The following CSGALNACT1 variants were observed in gnomAD, a reference collection of about 807,000 sequenced individuals.
CSGALNACT1 encodes beta4GalNAcT-1.
CSGALNACT1 carries 52 observed loss-of-function variants against 51.0 expected under a neutral mutation model. That is an observed-to-expected ratio of 1.02 (90% CI 0.82 to 1.29). The LOEUF (loss-of-function observed/expected upper bound fraction) is 1.29. Among genes scored for constraint, CSGALNACT1 ranks in the 50% most tolerant of loss-of-function variants. The probability of loss-of-function intolerance (pLI) is 0.00; values close to 1 mark genes in which losing one functional copy is unlikely to be tolerated. For synonymous variants in CSGALNACT1, 341 were observed against 254.4 expected (o/e 1.34, Z -3.24); for missense variants, 935 against 679.2 (o/e 1.38, Z -4.19).
At chr8:19,433,003 A>AT (rs1298649019) in intron 6 of CSGALNACT1, among the ~76,000 whole-genome samples, 2 of 152,090 alleles carry the variant, frequency 1.3e-5, no homozygotes, top group Non-Finnish European at 2.9e-5. Context: ...ATGCCTCATA[A>AT]TTTTTGCTAA....
intron 6 of CSGALNACT1, among the ~76,000 whole-genome samples, chr8:19,438,078 C>T (rs1161229186): frequency 6.6e-6 from 1 of 152,062 alleles, no homozygotes; most frequent in Admixed American, 6.6e-5. Context: ...CAGCAAATGC[C>T]TGGTCATTCT....
intron 6 of CSGALNACT1, among the ~76,000 whole-genome samples, chr8:19,431,348 C>T (rs2059622817): frequency 6.6e-6 from 1 of 151,812 alleles, no homozygotes; most frequent in Non-Finnish European, 1.5e-5. Flanking sequence ...CTCTTCTAGT[C>T]CTAGTTTGAG....
At chr8:19,467,549 G>C (rs1196722617) in intron 4 of CSGALNACT1, among the ~76,000 whole-genome samples, 1 of 151,996 alleles carries the variant, frequency 6.6e-6, no homozygotes, top group Non-Finnish European at 1.5e-5. Flanking sequence ...TAGGATTCCA[G>C]CACTGAAGTA....
chr8:19,733,535 G>A (rs759059841), intron 1 of CSGALNACT1, among the ~76,000 whole-genome samples: 1 of 151,964 alleles, frequency 6.6e-6, no homozygotes, highest in African/African-American at 2.4e-5. Context: ...GAAGTTTTAC[G>A]CCAATATGGA....
intron 1 of CSGALNACT1, among the ~76,000 whole-genome samples, chr8:19,693,398 C>T (rs1019490394): frequency 2.0e-5 from 3 of 152,080 alleles, no homozygotes; most frequent in South Asian, 4.1e-4. Flanking sequence ...GTCATAGTAA[C>T]GGTTTCCTGC....
At chr8:19,720,706 G>A (rs1188466853) in intron 1 of CSGALNACT1, among the ~76,000 whole-genome samples, 2 of 152,108 alleles carry the variant, frequency 1.3e-5, no homozygotes, top group African/African-American at 2.4e-5. Flanking sequence ...CCACTTGCTT[G>A]TTCTCAGAGC....
chr8:19,620,139 C>G (rs2053623152), intron 1 of CSGALNACT1, among the ~76,000 whole-genome samples: 1 of 151,678 alleles, frequency 6.6e-6, no homozygotes, highest in Admixed American at 6.6e-5. Flanking sequence ...GTGGGGAAAC[C>G]CCGTCTCTAC....
At chr8:19,739,155 C>T (rs77300421) in intron 1 of CSGALNACT1, among the ~76,000 whole-genome samples, 3 of 151,200 alleles carry the variant, frequency 2.0e-5, no homozygotes, top group East Asian at 1.9e-4. Context: ...ATGCTTCTAT[C>T]GTGCTACTCA....
At chr8:19,505,180 C>T (rs780849773) in intron 4 of CSGALNACT1, 21 bp downstream of exon 3, 11 of 1,614,036 alleles carry the variant, frequency 6.8e-6, no homozygotes, top group Non-Finnish European at 7.6e-6. Flanking sequence ...CTCCTTTCCC[C>T]CCAATTCACA....
chr8:19,523,297 C>T (rs1176143951), intron 3 of CSGALNACT1, among the ~76,000 whole-genome samples: 1 of 152,202 alleles, frequency 6.6e-6, no homozygotes, highest in African/African-American at 2.4e-5. Flanking sequence ...CAGGTTCTCA[C>T]TCTGTCACCT....
chr8:19,531,622 T>C (rs574370620), intron 3 of CSGALNACT1, among the ~76,000 whole-genome samples: 118 of 152,348 alleles, frequency 7.7e-4, no homozygotes, highest in African/African-American at 2.7e-3. Flanking sequence ...AAAATTGACA[T>C]AGAATCTCAT....
chr8:19,658,748 AAC>A (rs879860643), intron 1 of CSGALNACT1, among the ~76,000 whole-genome samples: 2 of 151,752 alleles, frequency 1.3e-5, no homozygotes, highest in East Asian at 1.9e-4. Flanking sequence ...CAACAACAAC[AAC>A]AAAAAACACC....
At chr8:19,695,126 C>A (rs894254863) in intron 1 of CSGALNACT1, among the ~76,000 whole-genome samples, 1 of 152,214 alleles carries the variant, frequency 6.6e-6, no homozygotes, top group African/African-American at 2.4e-5. Context: ...CCAACAAAAT[C>A]TCCCTACATA....
intron 1 of CSGALNACT1, among the ~76,000 whole-genome samples, chr8:19,714,395 T>A (rs148467214): frequency 5.1e-4 from 77 of 152,292 alleles, no homozygotes; most frequent in African/African-American, 1.8e-3. Context: ...GATCTGTAAT[T>A]TGGTGTCTGT....
chr8:19,454,264 G>A (rs574399887), intron 5 of CSGALNACT1, among the ~76,000 whole-genome samples: 169 of 152,348 alleles, frequency 1.1e-3, no homozygotes, highest in African/African-American at 3.9e-3. Flanking sequence ...CTCAGGAATG[G>A]AAAGCTATTG....
At chr8:19,583,124 ATAT>A (rs1238414534) in intron 3 of CSGALNACT1, among the ~76,000 whole-genome samples, 1 of 152,208 alleles carries the variant, frequency 6.6e-6, no homozygotes, top group Admixed American at 6.5e-5. Flanking sequence ...CTAAGGAGAA[ATAT>A]TATATCCTCG....
intron 1 of CSGALNACT1, among the ~76,000 whole-genome samples, chr8:19,710,135 C>A (rs531846798): frequency 3.5e-4 from 53 of 152,302 alleles, no homozygotes; most frequent in African/African-American, 1.3e-3. Context: ...TGGAAATTAT[C>A]TGTGACTTCT....
chr8:19,639,960 C>A (rs1349055812), intron 1 of CSGALNACT1, among the ~76,000 whole-genome samples: 6 of 150,946 alleles, frequency 4.0e-5, no homozygotes, highest in Non-Finnish European at 5.9e-5. Context: ...CTGTCCATTG[C>A]AGCCCAGACC....
At chr8:19,505,545 T>C (rs1418416035) in exon 4 of CSGALNACT1, 3 of 1,613,976 alleles carry the variant, frequency 1.9e-6, no homozygotes, top group South Asian at 1.1e-5. Context: ...GGCTTGGTAC[T>C]GCCCATTCCT....
Sources: allele counts gnomAD v4.1 joint callset (sites outside exome capture counted in the v4.1 genomes callset), GRCh38; gene constraint gnomAD v4.1.1; transcripts MANE v1.5; gene names NCBI Gene and HGNC (gene_info 2026-07-23, HGNC 2026-07-21).